Variants in TSGA10 observed in about 807,000 individuals in gnomAD.
TSGA10 encodes testis specific 10.
A neutral mutation model predicts 96.6 loss-of-function variants in TSGA10; 43 were observed. The ratio of observed to expected loss-of-function variants is 0.44; its 90% CI spans 0.35 to 0.57. The LOEUF is 0.57. TSGA10 is among the 20% of genes least tolerant of loss of function. The pLI, the probability that TSGA10 is intolerant of heterozygous loss-of-function variation, is 0.01. For missense variants in TSGA10, 703 were observed against 834.4 expected (o/e 0.84, Z 1.94); for synonymous variants, 229 against 269.9 (o/e 0.85, Z 1.48).
intron 16 of TSGA10, among the ~76,000 whole-genome samples, chr2:99,046,806 C>G (rs1033188736): frequency 6.6e-6 from 1 of 151,878 alleles, no homozygotes; most frequent in Non-Finnish European, 1.5e-5. Flanking sequence ...AAAAGATCAA[C>G]AAAACTGATA....
chr2:99,042,571 C>T (rs907543720), intron 16 of TSGA10, among the ~76,000 whole-genome samples: 2 of 152,166 alleles, frequency 1.3e-5, no homozygotes, highest in Non-Finnish European at 2.9e-5. Flanking sequence ...AGGAGTGGAA[C>T]AGGAGCAGAT....
rs139891421 is a variant in TSGA10 at position 99,150,610 on chromosome 2, G to A, written c.-621+4083C>T. The A allele has an allele frequency of 0.013, 20,709 of 1,613,852 alleles. 158 individuals are homozygous for A. Among genetic ancestry groups the A allele is most frequent in the Middle Eastern group, 0.015 (90 of 6,060 alleles). On this transcript the variant is annotated intron_variant, in intron 1 of 20. Coordinates refer to ENST00000393483, the MANE Select transcript of TSGA10 (RefSeq NM_025244.4). ...TACTCAGGTATCTGCTATACATATG[G>A]ATTCAAAAGTGGATGATCACTTAAT...
At chr2:99,034,137 C>T (rs980315613) in intron 17 of TSGA10, among the ~76,000 whole-genome samples, 1 of 152,128 alleles carries the variant, frequency 6.6e-6, no homozygotes. Flanking sequence ...ATGATGGTGG[C>T]TTTAAAAGTA....
At chr2:99,033,556 A>G (rs964775145) in intron 17 of TSGA10, among the ~76,000 whole-genome samples, 1 of 152,228 alleles carries the variant, frequency 6.6e-6, no homozygotes, top group Non-Finnish European at 1.5e-5. Flanking sequence ...GTTGGCAGAT[A>G]AAGTGGCTAC....
rs768575095 is a variant in TSGA10, at chr2:99,105,340, T to TC, written c.459+18dup. 295 of 1,549,788 alleles carry TC rather than the reference T, an allele frequency of 1.9e-4. 1 individual carries two copies. Among genetic ancestry groups the TC allele is most frequent in the Middle Eastern group, 1.4e-3 (8 of 5,784 alleles). On this transcript the variant is annotated intron_variant, in intron 9 of 20. Transcript: ENST00000393483. ...AGTGTTTATAGCCAAAAGAGACTTT[T>TC]CTTTTTTTTTTTTTTTACATTATGA...
intron 10 of TSGA10, among the ~76,000 whole-genome samples, chr2:99,087,255 C>G (rs1263253451): frequency 6.6e-6 from 1 of 151,802 alleles, no homozygotes; most frequent in Non-Finnish European, 1.5e-5. Flanking sequence ...GCCTGTAATC[C>G]CGTCACTTTG....
intron 10 of TSGA10, among the ~76,000 whole-genome samples, chr2:99,089,827 G>C (rs2089069816): frequency 1.3e-5 from 2 of 152,246 alleles, no homozygotes; most frequent in South Asian, 4.1e-4. Flanking sequence ...CTATCCACCT[G>C]GTAGCTGAAG....
intron 16 of TSGA10, among the ~76,000 whole-genome samples, chr2:99,047,255 G>A (rs1355287807): frequency 6.6e-6 from 1 of 152,090 alleles, no homozygotes; most frequent in Non-Finnish European, 1.5e-5. Flanking sequence ...CCAAAGACTG[G>A]CAGAGATACA....
chr2:99,137,885 T>TC (rs1207047367), intron 1 of TSGA10, among the ~76,000 whole-genome samples: 2 of 82,354 alleles, frequency 2.4e-5, no homozygotes, highest in African/African-American at 4.0e-5. Context: ...AGACTCCATG[T>TC]CAAAAAAAAA....
intron 17 of TSGA10, among the ~76,000 whole-genome samples, chr2:99,027,678 A>G (rs2080749646): frequency 6.7e-6 from 1 of 149,792 alleles, no homozygotes; most frequent in Non-Finnish European, 1.5e-5. Flanking sequence ...ATACATAATT[A>G]TTATTTGTCA....
intron 17 of TSGA10, among the ~76,000 whole-genome samples, chr2:99,031,821 A>G (rs1325660016): frequency 6.6e-6 from 1 of 152,134 alleles, no homozygotes; most frequent in East Asian, 1.9e-4. Flanking sequence ...GTGGAACCCT[A>G]TTGTGTTCCA....
intron 10 of TSGA10, among the ~76,000 whole-genome samples, chr2:99,090,121 A>C (rs188499236): frequency 3.0e-3 from 452 of 152,326 alleles, no homozygotes; most frequent in African/African-American, 0.011. Context: ...ACCAGCCCAG[A>C]ACCTGGTAGA....
In TSGA10 at chr2:99,151,062, G is replaced by GT; in HGVS notation, c.-621+3630dup. On this transcript the variant is annotated intron_variant, in intron 1 of 20. Transcript: ENST00000393483. ...CCAAGATTCAAAGCAGATTTCTCTG[G>GT]TATTATATTATATCCTTCTTAAAAA... The GT allele has an allele frequency of 2.3e-5, 9 of 392,526 alleles. No homozygotes were observed. In the South Asian group the frequency reaches 5.9e-4, roughly 26 times the overall value. 24.3% of individuals were successfully genotyped at this position (392,526 alleles called of 1,614,324 possible). A position where few individuals can be genotyped will look rare whatever the true frequency, so the allele number is the denominator to read the frequency against.
intron 7 of TSGA10, among the ~76,000 whole-genome samples, chr2:99,107,873 T>G (rs1484787887): frequency 2.0e-5 from 3 of 152,198 alleles, no homozygotes. Context: ...CCTGCTCTAG[T>G]GCAATCTTAC....
intron 12 of TSGA10, among the ~76,000 whole-genome samples, chr2:99,074,654 A>T (rs144967143): frequency 3.3e-5 from 5 of 152,304 alleles, no homozygotes; most frequent in African/African-American, 1.2e-4. Flanking sequence ...TAGTTGAACT[A>T]GTGCTTTTGA....
At chr2:98,999,294 A>G (rs2077691740) in intron 20 of TSGA10, among the ~76,000 whole-genome samples, 1 of 152,252 alleles carries the variant, frequency 6.6e-6, no homozygotes, top group South Asian at 2.1e-4. Flanking sequence ...TAATACATGC[A>G]ACAACCTGGA....
intron 17 of TSGA10, among the ~76,000 whole-genome samples, chr2:99,022,010 G>A (rs2080067560): frequency 6.6e-6 from 1 of 152,036 alleles, no homozygotes; most frequent in Non-Finnish European, 1.5e-5. Context: ...AATCTAATGT[G>A]AGAACTTTTT....
At chr2:99,087,535 T>A (rs1256754838) in intron 10 of TSGA10, among the ~76,000 whole-genome samples, 27 of 151,930 alleles carry the variant, frequency 1.8e-4, no homozygotes, top group African/African-American at 4.8e-5. Context: ...AAATTTTTTT[T>A]AAATTGGCCA....
chr2:99,087,020 C>A (rs1375767727), intron 10 of TSGA10, among the ~76,000 whole-genome samples: 2 of 151,736 alleles, frequency 1.3e-5, no homozygotes, highest in Non-Finnish European at 2.9e-5. Context: ...CTGGCTAACA[C>A]AGTGAAACCC....
Sources: allele counts gnomAD v4.1 joint callset (sites outside exome capture counted in the v4.1 genomes callset), GRCh38; gene constraint gnomAD v4.1.1; transcripts MANE v1.5; gene names NCBI Gene and HGNC (gene_info 2026-07-23, HGNC 2026-07-21).